RGS5: variants seen among roughly 807,000 people sequenced by gnomAD.
RGS5 encodes regulator of G protein signaling 5.
RGS5 carries 20 observed loss-of-function variants against 18.9 expected under a neutral mutation model. That is an observed-to-expected ratio of 1.06 (90% CI 0.74 to 1.54). The LOEUF (loss-of-function observed/expected upper bound fraction) is 1.54. Ranked by LOEUF, RGS5 falls within the 40% of genes most tolerant of loss-of-function variation. The pLI, the probability that RGS5 is intolerant of heterozygous loss-of-function variation, is 0.00. For missense variants in RGS5, 201 were observed against 211.8 expected (o/e 0.95, Z 0.32); for synonymous variants, 57 against 76.2 (o/e 0.75, Z 1.31).
chr1:163,222,089 G>A (rs1034609249), upstream of RGS5, among the ~76,000 whole-genome samples: 2 of 151,960 alleles, frequency 1.3e-5, no homozygotes, highest in African/African-American at 4.8e-5. Flanking sequence ...AAATAATGAC[G>A]GACTTACTCG....
intron 2 of RGS5, among the ~76,000 whole-genome samples, chr1:163,252,841 C>A (rs911141817): frequency 7.2e-5 from 11 of 152,092 alleles, no homozygotes; most frequent in Admixed American, 5.9e-4. Context: ...TGGATTCTAG[C>A]CTTGGATTTA....
At chr1:163,192,521 A>T (rs892353294) in intron 1 of RGS5, among the ~76,000 whole-genome samples, 1 of 152,158 alleles carries the variant, frequency 6.6e-6, no homozygotes, top group East Asian at 1.9e-4. Flanking sequence ...CCATCAATCT[A>T]CGTTCATCTT....
chr1:163,261,889 T>TA (rs1648446913), intron 2 of RGS5, among the ~76,000 whole-genome samples: 1 of 152,094 alleles, frequency 6.6e-6, no homozygotes, highest in Admixed American at 6.5e-5. Context: ...CTATTTTTTT[T>TA]TAAAATTATT....
At chr1:163,220,571 G>C (rs1455267154), upstream of RGS5, among the ~76,000 whole-genome samples, 1 of 152,072 alleles carries the variant, frequency 6.6e-6, no homozygotes, top group African/African-American at 2.4e-5. Flanking sequence ...ATTTCCACAG[G>C]ACCAATTCTA....
chr1:163,147,826 A>G (rs1468877091), intron 4 of RGS5, among the ~76,000 whole-genome samples: 1 of 151,974 alleles, frequency 6.6e-6, no homozygotes, highest in Non-Finnish European at 1.5e-5. Flanking sequence ...CAGAAGGTTA[A>G]GTGGCTTCCC....
intron 2 of RGS5, among the ~76,000 whole-genome samples, chr1:163,264,843 T>C (rs909209677): frequency 2.0e-5 from 3 of 152,112 alleles, no homozygotes; most frequent in Non-Finnish European, 4.4e-5. Flanking sequence ...TCCTGATGAC[T>C]TCTTTTTCTA....
At chr1:163,157,123 C>T (rs1349718588) in intron 3 of RGS5, among the ~76,000 whole-genome samples, 1 of 152,122 alleles carries the variant, frequency 6.6e-6, no homozygotes, top group African/African-American at 2.4e-5. Flanking sequence ...ACAAGGGTGT[C>T]TCAAGGAGAT....
intron 2 of RGS5, among the ~76,000 whole-genome samples, chr1:163,278,883 G>A (rs567155580): frequency 1.3e-5 from 2 of 152,094 alleles, no homozygotes; most frequent in African/African-American, 4.8e-5. Flanking sequence ...GAAACCAAAA[G>A]CACCCAGGAG....
At chr1:163,202,131 TTC>T (rs1169963628) in intron 1 of RGS5, among the ~76,000 whole-genome samples, 1 of 152,192 alleles carries the variant, frequency 6.6e-6, no homozygotes, top group Non-Finnish European at 1.5e-5. Context: ...CAAGGGCTTT[TTC>T]TCTGTCTAGC....
At chr1:163,180,684 C>CTTTTTTTTTTTTTTTTT (rs1429373041) in intron 1 of RGS5, among the ~76,000 whole-genome samples, 2 of 81,902 alleles carry the variant, frequency 2.4e-5, no homozygotes, top group African/African-American at 9.7e-5. Flanking sequence ...AGCCCTTACC[C>CTTTTTTTTTTTTTTTTT]TGTTTTTTTT....
chr1:163,180,686 GTTTT>G (rs1026995196), intron 1 of RGS5, among the ~76,000 whole-genome samples: 16 of 61,980 alleles, frequency 2.6e-4, no homozygotes, highest in South Asian at 7.3e-4. Context: ...CCCTTACCCT[GTTTT>G]TTTTTTTTTT....
chr1:163,182,432 C>T (rs1438216725), intron 1 of RGS5, among the ~76,000 whole-genome samples: 2 of 152,084 alleles, frequency 1.3e-5, no homozygotes, highest in African/African-American at 4.8e-5. Context: ...TATTGTTTTT[C>T]CCAAGTACTG....
At chr1:163,274,599 T>C (rs2101714280) in intron 2 of RGS5, among the ~76,000 whole-genome samples, 1 of 152,312 alleles carries the variant, frequency 6.6e-6, no homozygotes, top group East Asian at 1.9e-4. Context: ...TCTCAATTTA[T>C]AACTTGTTTG....
intron 2 of RGS5, among the ~76,000 whole-genome samples, chr1:163,305,692 A>G (rs1051928013): frequency 2.0e-5 from 3 of 152,178 alleles, no homozygotes; most frequent in African/African-American, 4.8e-5. Context: ...CTGTACTCCA[A>G]TGGGAGCTCT....
At chr1:163,318,388 C>T (rs1340613172) in intron 1 of RGS5, among the ~76,000 whole-genome samples, 1 of 152,084 alleles carries the variant, frequency 6.6e-6, no homozygotes, top group African/African-American at 2.4e-5. Flanking sequence ...CTGCTACTTA[C>T]AAGATGGATT....
At position 163,146,627 on chromosome 1, in the gene RGS5, TA is replaced by T. The variant is rs1657139747; in HGVS notation, c.*714del. On this transcript the variant is annotated 3_prime_UTR_variant, in exon 5 of 5. Coordinates refer to ENST00000313961, the MANE Select transcript of RGS5 (RefSeq NM_003617.4). ...CATTGTTGATCTTAGGTCATTGATT[TA>T]AAACAGAATTTGGTGACTATGGGCA... is the stretch of plus-strand genomic sequence containing the variant. 2 of 152,148 alleles carry T rather than the reference TA, an allele frequency of 1.3e-5. No individual in the cohort carries two copies. Among genetic ancestry groups the T allele is most frequent in the African/African-American group, 4.8e-5 (2 of 41,448 alleles). The allele number at this position is 152,148 out of a possible 1,614,324, so 9.4% of individuals were successfully genotyped here. A position where few individuals can be genotyped will look rare whatever the true frequency, so the allele number is the denominator to read the frequency against.
At chr1:163,269,752 T>G (rs1648669730) in intron 2 of RGS5, among the ~76,000 whole-genome samples, 1 of 152,128 alleles carries the variant, frequency 6.6e-6, no homozygotes, top group African/African-American at 2.4e-5. Context: ...TTCACCTCAT[T>G]TGGTTTTGTT....
At chr1:163,163,913 G>T (rs1018905864) in intron 2 of RGS5, among the ~76,000 whole-genome samples, 1 of 152,174 alleles carries the variant, frequency 6.6e-6, no homozygotes, top group Non-Finnish European at 1.5e-5. Context: ...GAGGAGCAAA[G>T]GAAGAAGAAA....
intron 1 of RGS5, among the ~76,000 whole-genome samples, chr1:163,184,559 G>C (rs1190098255): frequency 2.0e-5 from 3 of 152,180 alleles, no homozygotes; most frequent in Non-Finnish European, 4.4e-5. Flanking sequence ...CATGGTGGCA[G>C]AAGGGACTTT....
Sources: gnomAD v4.1 joint callset for allele counts (sites outside exome capture counted in the v4.1 genomes callset) on GRCh38, gnomAD v4.1.1 for gene constraint, MANE v1.5 for transcripts, NCBI Gene and HGNC (gene_info 2026-07-23, HGNC 2026-07-21) for gene names.